The following GPC6 variants were observed in gnomAD, a reference collection of about 807,000 sequenced individuals.
The protein encoded by GPC6 is glypican 6.
In GPC6, 14 loss-of-function variants were observed where a neutral mutation model predicts 55.2. That is an observed-to-expected ratio of 0.25 (90% CI 0.17 to 0.40). The LOEUF (loss-of-function observed/expected upper bound fraction) is 0.40, where lower values mean the gene tolerates loss of function less well. GPC6 is among the 10% of genes least tolerant of loss of function. The probability of loss-of-function intolerance (pLI) is 1.00; values close to 1 mark genes in which losing one functional copy is unlikely to be tolerated. For missense variants in GPC6, 641 were observed against 708.5 expected (o/e 0.90, Z 1.08); for synonymous variants, 278 against 259.6 (o/e 1.07, Z -0.68).
chr13:93,433,950 A>G (rs1877468415), intron 1 of GPC6, among the ~76,000 whole-genome samples: 1 of 152,200 alleles, frequency 6.6e-6, no homozygotes, highest in Non-Finnish European at 1.5e-5. Context: ...ACAGAAGTTG[A>G]GTCGGTTCCC....
At chr13:93,502,293 A>G (rs1277849503) in intron 1 of GPC6, among the ~76,000 whole-genome samples, 1 of 152,020 alleles carries the variant, frequency 6.6e-6, no homozygotes, top group Non-Finnish European at 1.5e-5. Flanking sequence ...TGAGAGCGAG[A>G]GAGCAAGAAA....
intron 3 of GPC6, among the ~76,000 whole-genome samples, chr13:93,966,167 C>T (rs1445007296): frequency 6.6e-6 from 1 of 152,168 alleles, no homozygotes; most frequent in Non-Finnish European, 1.5e-5. Flanking sequence ...ACCTTAATGT[C>T]AAATGATTCT....
intron 4 of GPC6, among the ~76,000 whole-genome samples, chr13:94,103,899 T>A (rs1885957810): frequency 6.6e-6 from 1 of 152,204 alleles, no homozygotes; most frequent in East Asian, 1.9e-4. Context: ...TAGATCCCAT[T>A]TGTCTATTTT....
At chr13:93,261,657 T>A (rs1469777282) in intron 1 of GPC6, among the ~76,000 whole-genome samples, 1 of 152,148 alleles carries the variant, frequency 6.6e-6, no homozygotes, top group Non-Finnish European at 1.5e-5. Flanking sequence ...CCCTGAGAAG[T>A]GTGGTTGCTG....
chr13:93,808,518 T>G (rs1886602760), intron 2 of GPC6, among the ~76,000 whole-genome samples: 1 of 152,264 alleles, frequency 6.6e-6, no homozygotes, highest in Admixed American at 6.5e-5. Flanking sequence ...GTTGGATAAC[T>G]AAGTTTCCTT....
chr13:94,003,979 C>A (rs1881914855), intron 3 of GPC6, among the ~76,000 whole-genome samples: 1 of 152,096 alleles, frequency 6.6e-6, no homozygotes, highest in Non-Finnish European at 1.5e-5. Context: ...AGTACATAAT[C>A]AAAGATACAG....
intron 2 of GPC6, among the ~76,000 whole-genome samples, chr13:93,744,808 T>C (rs139084999): frequency 0.021 from 3,121 of 151,526 alleles, 51 homozygotes; most frequent in Non-Finnish European, 0.034. Context: ...TGGAGCATGC[T>C]TGTAGTCCTA....
intron 1 of GPC6, among the ~76,000 whole-genome samples, chr13:93,351,387 G>T (rs1229363669): frequency 2.0e-5 from 3 of 152,040 alleles, no homozygotes; most frequent in Non-Finnish European, 4.4e-5. Flanking sequence ...CAATTATAAG[G>T]TGATTATTTT....
intron 3 of GPC6, among the ~76,000 whole-genome samples, chr13:93,901,622 G>T (rs551208834): frequency 6.6e-6 from 1 of 152,028 alleles, no homozygotes; most frequent in South Asian, 2.1e-4. Flanking sequence ...GATTTTAAAG[G>T]CTGGGCACGG....
chr13:93,292,622 A>G (rs1594077464), intron 1 of GPC6, among the ~76,000 whole-genome samples: 1 of 152,170 alleles, frequency 6.6e-6, no homozygotes, highest in Non-Finnish European at 1.5e-5. Flanking sequence ...TGAAATTTAC[A>G]CAGAGTGTAT....
At chr13:93,502,383 C>T (rs2139373250) in intron 1 of GPC6, among the ~76,000 whole-genome samples, 1 of 152,146 alleles carries the variant, frequency 6.6e-6, no homozygotes, top group Non-Finnish European at 1.5e-5. Context: ...AATATAAATT[C>T]CATATAGCCA....
chr13:93,800,087 T>A (rs2183426), intron 2 of GPC6, among the ~76,000 whole-genome samples: 1 of 151,914 alleles, frequency 6.6e-6, no homozygotes, highest in Non-Finnish European at 1.5e-5. Flanking sequence ...TCACGTAATA[T>A]TGGCTTTATC....
intron 4 of GPC6, among the ~76,000 whole-genome samples, chr13:94,250,143 G>A (rs1207948677): frequency 6.6e-6 from 1 of 152,156 alleles, no homozygotes; most frequent in African/African-American, 2.4e-5. Flanking sequence ...GAAAGTCTTT[G>A]CGTATATAAT....
intron 1 of GPC6, among the ~76,000 whole-genome samples, chr13:93,289,761 G>A (rs1878258951): frequency 6.6e-6 from 1 of 152,084 alleles, no homozygotes; most frequent in Non-Finnish European, 1.5e-5. Context: ...TTATATAAAA[G>A]GATTTGTTTA....
At chr13:93,418,027 T>G (rs2139254381) in intron 1 of GPC6, among the ~76,000 whole-genome samples, 1 of 152,202 alleles carries the variant, frequency 6.6e-6, no homozygotes, top group South Asian at 2.1e-4. Context: ...ATTCAACATT[T>G]GTCAATTGTA....
intron 4 of GPC6, among the ~76,000 whole-genome samples, chr13:94,153,679 T>C (rs1357866489): frequency 6.6e-6 from 1 of 152,202 alleles, no homozygotes; most frequent in Admixed American, 6.5e-5. Flanking sequence ...TATGTATTAG[T>C]ACAGGAGTTA....
intron 3 of GPC6, among the ~76,000 whole-genome samples, chr13:93,894,701 A>G (rs559614063): frequency 6.6e-6 from 1 of 152,208 alleles, no homozygotes; most frequent in East Asian, 1.9e-4. Flanking sequence ...TAACTAACAG[A>G]TTTGTAGCTG....
chr13:93,762,813 C>T (rs76257876), intron 2 of GPC6, among the ~76,000 whole-genome samples: 9,072 of 152,118 alleles, frequency 0.06, 462 homozygotes, highest in East Asian at 0.29. Flanking sequence ...GATTGGCGAC[C>T]ATACTAATTG....
At chr13:93,427,882 T>A (rs1335199368) in intron 1 of GPC6, among the ~76,000 whole-genome samples, 1 of 152,218 alleles carries the variant, frequency 6.6e-6, no homozygotes, top group Non-Finnish European at 1.5e-5. Flanking sequence ...ACATGCAGGC[T>A]TGTAGACTTA....
Sources: gnomAD v4.1 joint callset for allele counts (sites outside exome capture counted in the v4.1 genomes callset) on GRCh38, gnomAD v4.1.1 for gene constraint, MANE v1.5 for transcripts, NCBI Gene and HGNC (gene_info 2026-07-23, HGNC 2026-07-21) for gene names.